Variants in LRP1 observed in about 807,000 individuals in gnomAD.
The protein encoded by LRP1 is LDL receptor related protein 1.
In LRP1, 51 loss-of-function variants were observed where a neutral mutation model predicts 541.5. The ratio of observed to expected loss-of-function variants is 0.09; its 90% CI spans 0.08 to 0.12. LRP1 has a LOEUF of 0.12. LRP1 is among the 10% of genes least tolerant of loss of function. The probability of loss-of-function intolerance (pLI) is 1.00; values close to 1 mark genes in which losing one functional copy is unlikely to be tolerated. For missense variants in LRP1, 3,878 were observed against 6,376.2 expected (o/e 0.61, Z 13.34); for synonymous variants, 2,219 against 2,470.8 (o/e 0.90, Z 3.02).
At chr12:57,199,818 G>T in intron 61 of LRP1, 59 bp from the exon 62 acceptor site, 1 of 1,537,862 alleles carries the variant, frequency 6.5e-7, no homozygotes, top group South Asian at 1.3e-5. Context: ...TAGAGTGAGT[G>T]AGGCAGCCTT....
Position 57,162,616 on chromosome 12 carries a change from G to A in LRP1, c.2404+98G>A. 3 of 1,391,382 alleles carry A rather than the reference G, an allele frequency of 2.2e-6. No homozygotes were observed. The highest frequency in any genetic ancestry group is 1.2e-5 in the South Asian group (1 of 81,940). The allele number at this position is 1,391,382 out of a possible 1,614,324, so 86.2% of individuals were successfully genotyped here. ...CCCTGGGAGTGAAGGCACTTCCCAG[G>A]GATCCTAGGCTCTGACTTTTGAGGA... On this transcript the variant is annotated intron_variant, in intron 14 of 88. Transcript: ENST00000243077. The surrounding 1 kb of genome is among the most constrained non-coding windows in gnomAD (Gnocchi z 5.2).
rs775497821 is a variant in LRP1 at position 57,191,440 on chromosome 12, A to G, written c.7357A>G (p.Met2453Val). Reference protein sequence around the residue: ...QRANKHVGSNMKLLRVDIPQQ... With the variant: ...QRANKHVGSNVKLLRVDIPQQ... ...GGCCAACAAGCACGTGGGCAGCAAC[A>G]TGAAGCTGCTGCGCGTGGACATCCC... is the stretch of plus-strand genomic sequence containing the variant. Residue 2453 changes from methionine (M) to valine (V), a missense_variant, in exon 44 of 89, where the codon ATG becomes GTG. Around this residue, in one of 13 missense-constraint regions of LRP1, gnomAD observed 1,100 missense variants for 1,827.4 expected, o/e 0.60. Coordinates refer to ENST00000243077, the MANE Select transcript of LRP1 (RefSeq NM_002332.3). 6.2e-7 allele frequency: 1 copy of G among 1,612,956 alleles called. No homozygotes were observed.
chr12:57,205,514 A>T lies in LRP1; in HGVS notation c.11470+29A>T. ...GGAAAGCGGGGCAGAGCAGGGGTGGACACCCCAACTGTGGACTCTCATGAC... is the reference window on the plus strand; with the variant it reads ...GGAAAGCGGGGCAGAGCAGGGGTGGTCACCCCAACTGTGGACTCTCATGAC... On this transcript the variant is annotated intron_variant, in intron 74 of 88. Coordinates refer to ENST00000243077, the MANE Select transcript of LRP1 (RefSeq NM_002332.3). This position sits in a 1 kb window ranked among gnomAD's most constrained non-coding sequence, Gnocchi z 4.6. 2 of 1,612,218 alleles carry T rather than the reference A, an allele frequency of 1.2e-6. No homozygotes were observed. Among genetic ancestry groups the T allele is most frequent in the Non-Finnish European group, 1.7e-6 (2 of 1,178,680 alleles).
chr12:57,200,755 C>T lies in LRP1; in HGVS notation c.10165C>T (p.Pro3389Ser). ...GTGCTCCACAGGTATCTGCACAAAC[C>T]CTGCCTTCATCTGCGATGGCGACAA... Reference protein sequence around the residue: ...FQCSTGICTNPAFICDGDNDC... With the variant: ...FQCSTGICTNSAFICDGDNDC... Residue 3389 changes from proline (P) to serine (S), a missense_variant, in exon 64 of 89, where the codon CCT (proline) becomes TCT (serine). Pro to Ser is a moderately conservative substitution (Grantham distance 74, BLOSUM62 -1). Transcript: ENST00000243077. The T allele has an allele frequency of 6.2e-7, 1 of 1,614,056 alleles. No individual in the cohort carries two copies. Among genetic ancestry groups the T allele is most frequent in the Non-Finnish European group, 8.5e-7 (1 of 1,180,036 alleles).
intron 33 of LRP1, 125 bp downstream of exon 33, chr12:57,180,932 G>C: frequency 7.3e-7 from 1 of 1,371,014 alleles, no homozygotes; most frequent in South Asian, 1.3e-5. Flanking sequence ...ACCCAAAGGG[G>C]CTCCTTGTTT....
rs544092652 is a variant in LRP1 at position 57,209,090 on chromosome 12, C to T, written c.12153C>T (p.Ala4051=). ...QDNIQWPTGL[A]VDYHNERLYW... ...TGCTCTCTCTCTCCCCAGGCCTGGC[C>T]GTGGATTATCACAATGAGCGGCTGT... The change falls in exon 79 of 89, where the codon GCC becomes GCT. Residue 4051 remains alanine (A), a synonymous_variant. Transcript: ENST00000243077. 98 of 1,612,652 alleles carry T rather than the reference C, an allele frequency of 6.1e-5. 1 individual carries two copies. Among genetic ancestry groups the T allele is most frequent in the South Asian group, 4.7e-4 (43 of 91,042 alleles).
intron 79 of LRP1, 26 bp from the exon 80 acceptor site, chr12:57,209,666 C>G: frequency 6.2e-7 from 1 of 1,610,430 alleles, no homozygotes; most frequent in South Asian, 1.1e-5. Flanking sequence ...CCCTCAGGTC[C>G]CCTCTGACTC....
chr12:57,180,814 G>T lies in LRP1; in HGVS notation c.5527+7G>T, dbSNP rs772102073. 6.2e-7 allele frequency: 1 copy of T among 1,613,212 alleles called. No homozygotes were observed. The highest frequency in any genetic ancestry group is 8.5e-7 in the Non-Finnish European group (1 of 1,179,926). On this transcript the variant is annotated splice_region_variant and intron_variant, in intron 33 of 88. Transcript: ENST00000243077. Reference sequence around the variant, plus strand: ...GACGAGAGCATCCAGCTGGGTAGGTGCGAGGCCGGGCGGCCGCTGGGGGCT... The same window carrying T: ...GACGAGAGCATCCAGCTGGGTAGGTTCGAGGCCGGGCGGCCGCTGGGGGCT...
intron 24 of LRP1, among the ~76,000 whole-genome samples, 154 bp from the exon 25 acceptor site, chr12:57,176,887 G>A (rs1467775230): frequency 6.6e-6 from 1 of 151,990 alleles, no homozygotes; most frequent in Non-Finnish European, 1.5e-5. Flanking sequence ...AAGTTGGGGA[G>A]ACAATAGGAG....
chr12:57,174,923 C>T (rs2036013585), intron 22 of LRP1, among the ~76,000 whole-genome samples: 1 of 152,258 alleles, frequency 6.6e-6, no homozygotes, highest in South Asian at 2.1e-4. Context: ...GCCCCCAGTT[C>T]CTTGGAAGGG....
chr12:57,198,401 C>T, intron 59 of LRP1, 58 bp downstream of exon 59: 3 of 1,605,092 alleles, frequency 1.9e-6, no homozygotes, highest in Non-Finnish European at 1.7e-6. Flanking sequence ...GCCCAGCCTC[C>T]CTGCAGGCCA....
At position 57,185,070 on chromosome 12, in the gene LRP1, C is replaced by T. The variant is rs746369243; in HGVS notation, c.6339-11C>T. The T allele has an allele frequency of 6.2e-7, 1 of 1,614,034 alleles. No homozygotes were observed. Among genetic ancestry groups the T allele is most frequent in the Non-Finnish European group, 8.5e-7 (1 of 1,180,024 alleles). ...CACTGATGCCCTGCTTGTGCCCTGT[C>T]CTTCCCTCAGGACTCATGCCAACGG... On this transcript the variant is annotated splice_polypyrimidine_tract_variant and intron_variant, in intron 39 of 88. Transcript: ENST00000243077. This position sits in a 1 kb window ranked among gnomAD's most constrained non-coding sequence, Gnocchi z 4.9.
chr12:57,192,552 C>A (rs1307428940), intron 44 of LRP1, among the ~76,000 whole-genome samples: 2 of 152,172 alleles, frequency 1.3e-5, no homozygotes, highest in Non-Finnish European at 2.9e-5. Context: ...CTACTGCACC[C>A]GTGATCTCAG....
Position 57,205,323 on chromosome 12 carries a change from G to A in LRP1, c.11336-28G>A, listed in dbSNP as rs937728483. ...AGCCCTGGCCTGGGGTGGCTCAAGG[G>A]AGGGCATCCACTCTCTGTCCCCCAC... is the stretch of plus-strand genomic sequence containing the variant. On this transcript the variant is annotated intron_variant, in intron 73 of 88. Transcript: ENST00000243077. The surrounding 1 kb of genome is among the most constrained non-coding windows in gnomAD (Gnocchi z 4.6). 6.3e-7 allele frequency: 1 copy of A among 1,591,130 alleles called. No homozygotes were observed. Among genetic ancestry groups the A allele is most frequent in the Non-Finnish European group, 8.6e-7 (1 of 1,166,674 alleles).
chr12:57,156,621 G>A lies in LRP1; in HGVS notation c.1418-156G>A, dbSNP rs1003433785. 4.6e-5 allele frequency among the ~76,000 whole-genome samples: 7 copies of A among 152,228 alleles called. No homozygotes were observed. Among genetic ancestry groups the A allele is most frequent in the African/African-American group, 1.2e-4 (5 of 41,462 alleles). On this transcript the variant is annotated intron_variant, in intron 9 of 88. Transcript: ENST00000243077. This position sits in a 1 kb window ranked among gnomAD's most constrained non-coding sequence, Gnocchi z 5.2. Reference sequence around the variant, plus strand: ...AGTTTGAAGGCTGGGTTGTTGGGGGGCAGAGGGTTTCCACCCCTGTGGCTT... The same window carrying A: ...AGTTTGAAGGCTGGGTTGTTGGGGGACAGAGGGTTTCCACCCCTGTGGCTT...
chr12:57,192,058 G>GCA (rs975997216), intron 44 of LRP1, among the ~76,000 whole-genome samples: 3 of 69,622 alleles, frequency 4.3e-5, no homozygotes, highest in Non-Finnish European at 9.2e-5. Context: ...ACACCACACA[G>GCA]CACACACACA....
rs1421393147 is a variant in LRP1 at position 57,212,723 on chromosome 12, A to G, written c.*168A>G. ...AGCGAGCAAGCCGGCAAGCGAGCAC[A>G]GTATTATTTCTCCATCCCCTCCCTG... On this transcript the variant is annotated 3_prime_UTR_variant, in exon 89 of 89. Transcript: ENST00000243077. The surrounding 1 kb of genome is among the most constrained non-coding windows in gnomAD (Gnocchi z 5.0). 4 of 738,166 alleles carry G rather than the reference A, an allele frequency of 5.4e-6. No individual in the cohort carries two copies. Among genetic ancestry groups the G allele is most frequent in the Non-Finnish European group, 8.5e-6 (4 of 470,232 alleles). 45.7% of individuals were successfully genotyped at this position (738,166 alleles called of 1,614,324 possible).
chr12:57,193,697 G>C lies in LRP1; in HGVS notation c.7804+12G>C. 1 of 1,614,088 alleles carries C rather than the reference G, an allele frequency of 6.2e-7. No individual in the cohort carries two copies. The highest frequency in any genetic ancestry group is 1.3e-5 in the African/African-American group (1 of 75,036). The stretch of plus-strand genomic sequence containing the variant: ...GATCCCTTGCAACAGTGAGTGAGGC[G>C]CACTGGCATAACCCATCTGTACCTC... On this transcript the variant is annotated intron_variant, in intron 47 of 88. Transcript: ENST00000243077.
chr12:57,168,004 G>T (rs1177293616), intron 19 of LRP1, among the ~76,000 whole-genome samples: 1 of 152,208 alleles, frequency 6.6e-6, no homozygotes, highest in East Asian at 1.9e-4. Context: ...GTGCGGGCAG[G>T]TGACTGCCGT....
Sources: allele counts gnomAD v4.1 joint callset (sites outside exome capture counted in the v4.1 genomes callset), GRCh38; gene constraint gnomAD v4.1.1; regional missense constraint gnomAD v4.1.1; non-coding constraint Gnocchi (gnomAD v3.1); transcripts MANE v1.5; gene names NCBI Gene and HGNC (gene_info 2026-07-23, HGNC 2026-07-21).